Variants in CNTNAP3 observed in about 807,000 individuals in gnomAD.
CNTNAP3 encodes the protein contactin-associated protein-like 3.
CNTNAP3 carries 36 observed loss-of-function variants against 92.1 expected under a neutral mutation model. That is an observed-to-expected ratio of 0.39 (90% CI 0.30 to 0.52). The LOEUF is 0.52. Ranked by LOEUF, CNTNAP3 falls within the 20% of genes least tolerant of loss-of-function variation. The probability of loss-of-function intolerance (pLI) is 0.76; values close to 1 mark genes in which losing one functional copy is unlikely to be tolerated. For missense variants in CNTNAP3, 534 were observed against 1,069.6 expected (o/e 0.50, Z 6.98); for synonymous variants, 232 against 422.3 (o/e 0.55, Z 5.53).
At chr9:39,099,700 A>G (rs1244076591) in intron 18 of CNTNAP3, 1 of 784,562 alleles carries the variant, frequency 1.3e-6, no homozygotes, top group East Asian at 2.7e-5. Context: ...GAGATCTTCT[A>G]AATAAGAAAC....
Position 39,103,801 on chromosome 9 carries a change from A to T in CNTNAP3, c.2479T>A (p.Ser827Thr). The change falls in exon 16 of 24, where the codon TCC (serine) becomes ACC (threonine). Residue 827 changes from serine to threonine, a missense_variant. By Grantham distance (58) the Ser-to-Thr change is moderately conservative. Transcript: ENST00000297668. ...CCCAGGTTCTCCATAAACACCCCGG[A>T]GGAAACTGTGGTCTTAAAAAAGAAG... ...VCFFFKTTVS[S>T]GVFMENLGIT... The T allele has an allele frequency of 6.2e-7, 1 of 1,611,298 alleles. No individual in the cohort carries two copies. The highest frequency in any genetic ancestry group is 8.5e-7 in the Non-Finnish European group (1 of 1,179,804).
chr9:39,084,527 C>T (rs1391156297), intron 21 of CNTNAP3, among the ~76,000 whole-genome samples: 1 of 152,036 alleles, frequency 6.6e-6, no homozygotes, highest in African/African-American at 2.4e-5. Flanking sequence ...AGGGATGAAT[C>T]GAAGATTTAC....
In CNTNAP3 at chr9:39,157,548, A is replaced by G. The variant is rs1368813335; in HGVS notation, c.1478-7571T>C. 1.9e-5 allele frequency among the ~76,000 whole-genome samples: 2 copies of G among 104,828 alleles called. 1 individual carries two copies. Among genetic ancestry groups the G allele is most frequent in the Non-Finnish European group, 4.2e-5 (2 of 47,162 alleles). The allele number at this position is 104,828 out of a possible 152,430, so 68.8% of individuals were successfully genotyped here. On this transcript the variant is annotated intron_variant, in intron 9 of 23. Transcript: ENST00000297668. ...TTTTTAGTAGAGACGGGGTTTCACC[A>G]TGTTAGCCACGATGGTCTCAATCTC...
chr9:39,077,771 G>A (rs972391289), intron 23 of CNTNAP3, among the ~76,000 whole-genome samples: 2 of 152,212 alleles, frequency 1.3e-5, no homozygotes, highest in Admixed American at 1.3e-4. Context: ...TATCCCACAT[G>A]TCCTAGGGAA....
intron 10 of CNTNAP3, among the ~76,000 whole-genome samples, chr9:39,145,947 C>T (rs1409108705): frequency 6.9e-6 from 1 of 145,920 alleles, no homozygotes; most frequent in Admixed American, 6.8e-5. Flanking sequence ...AATGGAGCAT[C>T]TTAAGATCAT....
chr9:39,081,831 C>A (rs1473357292), intron 21 of CNTNAP3, among the ~76,000 whole-genome samples: 1 of 151,000 alleles, frequency 6.6e-6, no homozygotes, highest in Non-Finnish European at 1.5e-5. Flanking sequence ...GTAATCCCAG[C>A]ACTTTGGGAG....
intron 10 of CNTNAP3, among the ~76,000 whole-genome samples, chr9:39,147,656 T>C (rs1004117569): frequency 2.0e-5 from 3 of 152,244 alleles, no homozygotes; most frequent in Admixed American, 6.5e-5. Flanking sequence ...ACATGCTTAG[T>C]TGAGCATGTT....
chr9:39,133,015 A>G lies in CNTNAP3; in HGVS notation c.1997T>C (p.Leu666Pro). 3 of 1,541,796 alleles carry G rather than the reference A, an allele frequency of 1.9e-6. No homozygotes were observed. The highest frequency in any genetic ancestry group is 2.6e-6 in the Non-Finnish European group (3 of 1,150,896). Residue 666 changes from leucine (L) to proline (P), a missense_variant, in exon 13 of 24, where the codon CTG becomes CCG. Physicochemically the swap from Leu to Pro is moderately conservative, Grantham distance 98 (BLOSUM62 -3). Transcript: ENST00000297668. ...SFAYAAGAGQ[L>P]RSAVNLAERC... ...CTCCGCCAGGTTCACCGCGGACCGCAGCTGCCCCGCGCCCGCTGCGTACGC... is the reference window on the plus strand; with the variant it reads ...CTCCGCCAGGTTCACCGCGGACCGCGGCTGCCCCGCGCCCGCTGCGTACGC...
At chr9:39,124,788 C>T (rs1357434257) in intron 13 of CNTNAP3, among the ~76,000 whole-genome samples, 2 of 152,126 alleles carry the variant, frequency 1.3e-5, no homozygotes, top group African/African-American at 4.8e-5. Flanking sequence ...CAGAGAAATG[C>T]AAATCAAAAC....
In CNTNAP3 at chr9:39,086,834, C is replaced by T; in HGVS notation, c.3236G>A (p.Arg1079Lys). Residue 1079 changes from arginine to lysine, a missense_variant, in exon 20 of 24, where the codon AGG (arginine) becomes AAG (lysine). Coordinates refer to ENST00000297668, the MANE Select transcript of CNTNAP3 (RefSeq NM_033655.5). The stretch of plus-strand genomic sequence containing the variant: ...ATTTTGATGTCTATCTAGCTTGTAC[C>T]TAATCTGCAAACTTCCTAAAAAGAA... ...ILANNGSLQI[R>K]YKLDRHQNPD... The T allele has an allele frequency of 2.5e-6, 4 of 1,605,002 alleles. No homozygotes were observed. Among genetic ancestry groups the T allele is most frequent in the Non-Finnish European group, 1.7e-6 (2 of 1,177,040 alleles).
rs1397093947 is a variant in CNTNAP3 at position 39,260,572 on chromosome 9, A to G, written c.196+6324T>C. On this transcript the variant is annotated intron_variant, in intron 2 of 23. Coordinates refer to ENST00000297668, the MANE Select transcript of CNTNAP3 (RefSeq NM_033655.5). ...CTACTAAAAATACAAAAAAAAAAAA[A>G]GTTAGCCAGGCGTGGTGGTGGGTGC... 3.8e-4 allele frequency among the ~76,000 whole-genome samples: 8 copies of G among 21,222 alleles called. 4 individuals are homozygous for G. Among genetic ancestry groups the G allele is most frequent in the Non-Finnish European group, 8.5e-4 (8 of 9,404 alleles). 13.9% of individuals were successfully genotyped at this position (21,222 alleles called of 152,430 possible).
Position 39,103,872 on chromosome 9 carries a change from T to C in CNTNAP3, c.2408A>G (p.Tyr803Cys), listed in dbSNP as rs943966687. 5.6e-6 allele frequency: 9 copies of C among 1,610,896 alleles called. No individual in the cohort carries two copies. Among genetic ancestry groups the C allele is most frequent in the Non-Finnish European group, 6.8e-6 (8 of 1,179,552 alleles). The change falls in exon 16 of 24, where the codon TAC becomes TGC. Residue 803 changes from tyrosine to cysteine, a missense_variant. By Grantham distance (194) the Tyr-to-Cys change is radical. Coordinates refer to ENST00000297668, the MANE Select transcript of CNTNAP3 (RefSeq NM_033655.5). Reference sequence around the variant, plus strand: ...TCCGTGGAAAGCAGGGAAATGAAGGTATGAAGTCTCAGTGTTGAAGGAAGC... The same window carrying C: ...TCCGTGGAAAGCAGGGAAATGAAGGCATGAAGTCTCAGTGTTGAAGGAAGC... Reference protein sequence around the residue: ...NSASFNTETSYLHFPAFHGEL... With the variant: ...NSASFNTETSCLHFPAFHGEL...
intron 9 of CNTNAP3, chr9:39,159,023 TTCAA>T (rs2118181655): frequency 7.4e-6 from 1 of 135,724 alleles, no homozygotes; most frequent in East Asian, 2.1e-4. Context: ...GGGAAAACAA[TTCAA>T]TCCATAATAT....
In CNTNAP3 at chr9:39,068,672, C is replaced by T. The variant is rs1468974798; in HGVS notation, c.*5218G>A. Among the ~76,000 whole-genome samples, 1 of 152,312 alleles carries T rather than the reference C, an allele frequency of 6.6e-6. No individual in the cohort carries two copies. Among genetic ancestry groups the T allele is most frequent in the African/African-American group, 2.4e-5 (1 of 41,488 alleles). ...AGCTCTTTCCTCGCCGGTACTCTATCCTGCAATCTCTAGCCACCTTCGTGT... is the reference window on the plus strand; with the variant it reads ...AGCTCTTTCCTCGCCGGTACTCTATTCTGCAATCTCTAGCCACCTTCGTGT... On this transcript the variant is annotated 3_prime_UTR_variant, in exon 24 of 24. Coordinates refer to ENST00000297668, the MANE Select transcript of CNTNAP3 (RefSeq NM_033655.5).
At chr9:39,104,986 C>T (rs1826563925) in intron 15 of CNTNAP3, among the ~76,000 whole-genome samples, 1 of 152,154 alleles carries the variant, frequency 6.6e-6, no homozygotes, top group Non-Finnish European at 1.5e-5. Flanking sequence ...AGAAACACAA[C>T]TTTACCCAGT....
chr9:39,109,197 T>C lies in CNTNAP3; in HGVS notation c.2328A>G (p.Ala776=). 1 of 1,613,054 alleles carries C rather than the reference T, an allele frequency of 6.2e-7. No individual in the cohort carries two copies. Residue 776 remains alanine (A), a synonymous_variant, in exon 15 of 24, where the codon GCA becomes GCG. Coordinates refer to ENST00000297668, the MANE Select transcript of CNTNAP3 (RefSeq NM_033655.5). The stretch of plus-strand genomic sequence containing the variant: ...AGAGCAGTGGCCCCAGTGTATAAGC[T>C]GCTTCGGAATGTGGTCGGCCTGCGT... The part of the protein sequence containing the change: ...MTDAGRPHSE[A]AYTLGPLLCR...
intron 13 of CNTNAP3, among the ~76,000 whole-genome samples, chr9:39,130,593 C>T (rs1009178815): frequency 2.8e-4 from 43 of 151,060 alleles, no homozygotes; most frequent in Non-Finnish European, 5.6e-4. Flanking sequence ...CAAGCTCCAC[C>T]TCCTGGGTTC....
chr9:39,080,275 A>G (rs1825900357), intron 21 of CNTNAP3, among the ~76,000 whole-genome samples: 1 of 139,742 alleles, frequency 7.2e-6, no homozygotes, highest in Non-Finnish European at 1.5e-5. Context: ...ATCACTCTCA[A>G]TATCTAATCA....
chr9:39,064,970 TAC>T lies in CNTNAP3; in HGVS notation c.*8918_*8919del. On this transcript the variant is annotated 3_prime_UTR_variant, in exon 24 of 24. Transcript: ENST00000297668. ...ATGACATATCAAAATGTATTATATATACACATATATATACATGTACATATTTA... is the reference window on the plus strand; with the variant it reads ...ATGACATATCAAAATGTATTATATATACATATATATACATGTACATATTTA... Among the ~76,000 whole-genome samples the T allele has an allele frequency of 6.6e-6, 1 of 152,228 alleles. No individual in the cohort carries two copies. The highest frequency in any genetic ancestry group is 6.5e-5 in the Admixed American group (1 of 15,268).
Sources: gnomAD v4.1 joint callset for allele counts (sites outside exome capture counted in the v4.1 genomes callset) on GRCh38, gnomAD v4.1.1 for gene constraint, MANE v1.5 for transcripts, NCBI Gene and HGNC (gene_info 2026-07-23, HGNC 2026-07-21) for gene names.